The following TRAK2 variants were observed in gnomAD, a reference collection of about 807,000 sequenced individuals.
TRAK2 encodes trafficking kinesin-binding protein 2.
Under a neutral mutation model 104.6 loss-of-function variants are expected in TRAK2, and 81 were observed. The ratio of observed to expected loss-of-function variants is 0.77; its 90% confidence interval spans 0.65 to 0.93. The LOEUF is 0.93. Ranked by LOEUF, TRAK2 falls within the 40% of genes least tolerant of loss-of-function variation. The pLI, the probability that TRAK2 is intolerant of heterozygous loss-of-function variation, is 0.00. For synonymous variants in TRAK2, 406 were observed against 394.4 expected (o/e 1.03, Z -0.35); for missense variants, 1,002 against 1,089.0 (o/e 0.92, Z 1.12).
rs748105067 is a variant in TRAK2 at position 201,397,571 on chromosome 2, T to A, written c.700A>T (p.Ile234Leu). The A allele has an allele frequency of 1.9e-6, 3 of 1,612,282 alleles. No homozygotes were observed. The highest frequency in any genetic ancestry group is 2.7e-5 in the African/African-American group (2 of 74,848). The change falls in exon 7 of 16, where the codon ATA becomes TTA. Residue 234 changes from isoleucine to leucine, a missense_variant. Physicochemically the swap from Ile to Leu is conservative, Grantham distance 5 (BLOSUM62 2). Transcript: ENST00000332624. Reference sequence around the variant, plus strand: ...TCATAGGTAACAGTTTCTGTCTTTATGTGACAAGCCTTCAAGAAAAAAATC... The same window carrying A: ...TCATAGGTAACAGTTTCTGTCTTTAAGTGACAAGCCTTCAAGAAAAAAATC... ...NMALRSKACH[I>L]KTETVTYEEK...
intron 14 of TRAK2, 63 bp downstream of exon 14, chr2:201,386,155 A>G: frequency 4.4e-6 from 7 of 1,578,086 alleles, no homozygotes; most frequent in Non-Finnish European, 6.1e-6. Flanking sequence ...CTGACTGTCT[A>G]GTAAGTCAGA....
chr2:201,391,280 T>G (rs1951446280), intron 10 of TRAK2, among the ~76,000 whole-genome samples: 1 of 152,184 alleles, frequency 6.6e-6, no homozygotes, highest in East Asian at 1.9e-4. Context: ...TAGCTTGTAA[T>G]CTATTGAATA....
rs1248021959 is a variant in TRAK2, at chr2:201,421,180, A to G, written c.-199-474T>C. 2.6e-5 allele frequency among the ~76,000 whole-genome samples: 4 copies of G among 152,206 alleles called. No individual in the cohort carries two copies. In the East Asian group the frequency reaches 5.8e-4, roughly 22 times the overall value. On this transcript the variant is annotated intron_variant, in intron 1 of 15. Coordinates refer to ENST00000332624, the MANE Select transcript of TRAK2 (RefSeq NM_015049.3). The stretch of plus-strand genomic sequence containing the variant: ...AATAATATATTGTAGAGTCTATAAC[A>G]TATGTAGAAGTAGAATGTTTTGCAG...
At chr2:201,422,597 T>G (rs1460761234) in intron 1 of TRAK2, among the ~76,000 whole-genome samples, 1 of 152,186 alleles carries the variant, frequency 6.6e-6, no homozygotes, top group Non-Finnish European at 1.5e-5. Flanking sequence ...AGAAGCACTT[T>G]GAGCAAATCC....
chr2:201,395,194 AG>A, intron 8 of TRAK2, 119 bp downstream of exon 8: 1 of 793,018 alleles, frequency 1.3e-6, no homozygotes. Flanking sequence ...CAATCAGATT[AG>A]GGCATTTTAA....
rs762026089 is a variant in TRAK2 at position 201,398,217 on chromosome 2, C to A, written c.618G>T (p.Gly206=). The change falls in exon 6 of 16, where the codon GGG becomes GGT. Residue 206 remains glycine, a synonymous_variant. Transcript: ENST00000332624. ...CTTGCAGCATTTCCAACTGCAGCAA[C>A]CCTTGAGATAAGCTAAAGGACTCAT... The part of the protein sequence containing the change: ...RFNESFSLSQ[G]LLQLEMLQEK... 6.2e-7 allele frequency: 1 copy of A among 1,613,724 alleles called. No individual in the cohort carries two copies. The highest frequency in any genetic ancestry group is 1.1e-5 in the South Asian group (1 of 91,060).
chr2:201,386,151 G>C, intron 14 of TRAK2, 67 bp downstream of exon 14: 1 of 1,563,326 alleles, frequency 6.4e-7, no homozygotes, highest in East Asian at 2.3e-5. Context: ...CCAGCTGACT[G>C]TCTAGTAAGT....
chr2:201,383,723 C>G (rs951271660), intron 15 of TRAK2, among the ~76,000 whole-genome samples: 4 of 152,198 alleles, frequency 2.6e-5, no homozygotes, highest in African/African-American at 9.6e-5. Flanking sequence ...ATTGCTGAAC[C>G]TGAAAGTGGT....
chr2:201,428,220 G>A (rs978538880), intron 1 of TRAK2, among the ~76,000 whole-genome samples: 2 of 152,198 alleles, frequency 1.3e-5, no homozygotes, highest in African/African-American at 4.8e-5. Context: ...TGCTTTTGGT[G>A]TTTTAGACAT....
chr2:201,392,320 G>A (rs557249801), intron 10 of TRAK2, among the ~76,000 whole-genome samples: 9 of 152,108 alleles, frequency 5.9e-5, no homozygotes, highest in African/African-American at 9.7e-5. Context: ...CTACTAAAAT[G>A]TATAGTTTCA....
At chr2:201,408,029 T>C (rs1484882440) in intron 2 of TRAK2, among the ~76,000 whole-genome samples, 1 of 152,174 alleles carries the variant, frequency 6.6e-6, no homozygotes, top group Non-Finnish European at 1.5e-5. Flanking sequence ...TTTGAAAATA[T>C]ACAACAAATT....
At chr2:201,393,140 C>A in intron 9 of TRAK2, 94 bp from the exon 10 acceptor site, 2 of 1,289,666 alleles carry the variant, frequency 1.6e-6, no homozygotes, top group Non-Finnish European at 2.1e-6. Flanking sequence ...ATTGATTTTA[C>A]CCAGAGGGCT....
intron 5 of TRAK2, 62 bp downstream of exon 5, chr2:201,399,315 T>C (rs1951528687): frequency 8.5e-7 from 1 of 1,174,852 alleles, no homozygotes; most frequent in Non-Finnish European, 1.3e-6. Context: ...CCTAGGAAAA[T>C]AAATTTTCAA....
At chr2:201,393,685 C>T (rs945471896) in intron 9 of TRAK2, among the ~76,000 whole-genome samples, 1 of 152,188 alleles carries the variant, frequency 6.6e-6, no homozygotes, top group Non-Finnish European at 1.5e-5. Context: ...CTCCAGACCA[C>T]TTGAAGTAGA....
chr2:201,436,805 C>G (rs989717035), intron 1 of TRAK2, among the ~76,000 whole-genome samples: 1 of 152,096 alleles, frequency 6.6e-6, no homozygotes, highest in Non-Finnish European at 1.5e-5. Flanking sequence ...TATAGCTCTT[C>G]AAGTCAACGA....
intron 9 of TRAK2, among the ~76,000 whole-genome samples, chr2:201,394,108 T>C (rs944303838): frequency 6.6e-6 from 1 of 152,132 alleles, no homozygotes; most frequent in African/African-American, 2.4e-5. Flanking sequence ...AATAAAATTT[T>C]ATGTAGATAG....
At chr2:201,438,354 C>T in intron 1 of TRAK2, among the ~76,000 whole-genome samples, 1 of 152,166 alleles carries the variant, frequency 6.6e-6, no homozygotes, top group East Asian at 1.9e-4. Flanking sequence ...ATCAGTCTTT[C>T]CTAATAATAG....
intron 15 of TRAK2, 35 bp downstream of exon 15, chr2:201,384,076 A>G: frequency 7.4e-7 from 1 of 1,343,994 alleles, no homozygotes; most frequent in Non-Finnish European, 1.0e-6. Context: ...AGCTGAGGAA[A>G]GAAGTGAGGC....
At chr2:201,386,625 C>T in intron 13 of TRAK2, 141 bp from the exon 14 acceptor site, 1 of 1,170,654 alleles carries the variant, frequency 8.5e-7, no homozygotes, top group Non-Finnish European at 1.2e-6. Context: ...TTGGTAAAAG[C>T]TGCAAATTAA....
Sources: gnomAD v4.1 joint callset for allele counts (sites outside exome capture counted in the v4.1 genomes callset) on GRCh38, gnomAD v4.1.1 for gene constraint, MANE v1.5 for transcripts, NCBI Gene and HGNC (gene_info 2026-07-23, HGNC 2026-07-21) for gene names.